PCDH9: variants seen among roughly 807,000 people sequenced by gnomAD.
PCDH9 encodes protocadherin 9.
In PCDH9, 24 loss-of-function variants were observed where a neutral mutation model predicts 70.6. The observed-to-expected ratio is 0.34, with a 90% CI of 0.25 to 0.48. The LOEUF is 0.48. PCDH9 is among the 20% of genes least tolerant of loss of function. The pLI is 0.99. For missense variants in PCDH9, 1,281 were observed against 1,503.6 expected (o/e 0.85, Z 2.45); for synonymous variants, 562 against 558.5 (o/e 1.01, Z -0.09).
intron 4 of PCDH9, among the ~76,000 whole-genome samples, chr13:66,464,724 A>C (rs904943672): frequency 1.3e-5 from 2 of 151,936 alleles, no homozygotes; most frequent in Non-Finnish European, 2.9e-5. Context: ...GACTATTTGC[A>C]GGAAAGTGCA....
chr13:67,214,502 T>C (rs191264242), intron 2 of PCDH9: 4 of 152,260 alleles, frequency 2.6e-5, no homozygotes, highest in Non-Finnish European at 5.9e-5. Flanking sequence ...GTGGAGCTTC[T>C]GGGTAATCTA....
chr13:67,050,447 C>T (rs1282875918), intron 2 of PCDH9, among the ~76,000 whole-genome samples: 1 of 152,138 alleles, frequency 6.6e-6, no homozygotes, highest in African/African-American at 2.4e-5. Flanking sequence ...GTGATCTCCA[C>T]CAGGTACTTA....
chr13:66,848,801 A>G (rs1397349120), intron 3 of PCDH9, among the ~76,000 whole-genome samples: 5 of 152,016 alleles, frequency 3.3e-5, no homozygotes, highest in Non-Finnish European at 5.9e-5. Context: ...GGTGGCGGGC[A>G]ACTGTAGTCC....
At chr13:66,641,391 G>A (rs1282509883) in intron 3 of PCDH9, among the ~76,000 whole-genome samples, 1 of 152,112 alleles carries the variant, frequency 6.6e-6, no homozygotes, top group Non-Finnish European at 1.5e-5. Context: ...GTTAATGGGA[G>A]GATTAATTTG....
At chr13:66,424,583 C>T (rs1167381192) in intron 4 of PCDH9, among the ~76,000 whole-genome samples, 1 of 151,944 alleles carries the variant, frequency 6.6e-6, no homozygotes, top group Admixed American at 6.6e-5. Flanking sequence ...GTCTGTATAG[C>T]TGATGACAAC....
chr13:67,053,255 T>C (rs1423684323), intron 2 of PCDH9, among the ~76,000 whole-genome samples: 2 of 152,152 alleles, frequency 1.3e-5, no homozygotes, highest in Non-Finnish European at 2.9e-5. Context: ...AAATGCCAAA[T>C]AAGTGCCACA....
chr13:66,661,795 G>A (rs757856452), intron 3 of PCDH9, among the ~76,000 whole-genome samples: 2 of 152,060 alleles, frequency 1.3e-5, no homozygotes, highest in Admixed American at 6.6e-5. Context: ...AAGGGGGAAG[G>A]GTGAACTTTA....
chr13:67,212,160 T>C (rs539020136), intron 2 of PCDH9: 56 of 152,214 alleles, frequency 3.7e-4, no homozygotes, highest in Middle Eastern at 6.8e-3. Flanking sequence ...AAAAAGTACA[T>C]TTCCCTCCAA....
chr13:67,157,830 G>A (rs1032165379), intron 2 of PCDH9, among the ~76,000 whole-genome samples: 3 of 152,196 alleles, frequency 2.0e-5, no homozygotes, highest in African/African-American at 7.2e-5. Context: ...AAGTTTGAAA[G>A]TTGAGTTTGA....
Position 67,131,051 on chromosome 13 carries a change from T to C in PCDH9, c.3036+94354A>G, listed in dbSNP as rs1378838134. On this transcript the variant is annotated intron_variant, in intron 2 of 4. Coordinates refer to ENST00000377865, the MANE Select transcript of PCDH9 (RefSeq NM_203487.3). The stretch of plus-strand genomic sequence containing the variant: ...ATTAATTAGAAGAGAAATGTGCTGG[T>C]AGATTAAAATACAGAAATGACAAAT... Among the ~76,000 whole-genome samples, 5 of 152,270 alleles carry C rather than the reference T, an allele frequency of 3.3e-5. No individual in the cohort carries two copies. The South Asian group carries it at 8.3e-4, about 25-fold the overall frequency.
chr13:66,395,179 G>A (rs1957081039), intron 4 of PCDH9, among the ~76,000 whole-genome samples: 1 of 152,002 alleles, frequency 6.6e-6, no homozygotes, highest in African/African-American at 2.4e-5. Context: ...CTTAAATGAT[G>A]GAAAAAAGTA....
chr13:66,915,963 G>C (rs2082550725), intron 2 of PCDH9, among the ~76,000 whole-genome samples: 1 of 151,444 alleles, frequency 6.6e-6, no homozygotes, highest in Non-Finnish European at 1.5e-5. Context: ...CTTTCCCTTT[G>C]GGTGACTTCA....
chr13:66,564,535 T>C (rs1283671240), intron 4 of PCDH9, among the ~76,000 whole-genome samples: 1 of 152,140 alleles, frequency 6.6e-6, no homozygotes, highest in Non-Finnish European at 1.5e-5. Context: ...GGACAGCTGA[T>C]AACAGAGAAA....
chr13:66,475,894 A>G lies in PCDH9; in HGVS notation c.3340+155316T>C, dbSNP rs1004696323. ...ACCTATCTTTAAATTCTGACTCCAG[A>G]ATTCACCTCTAAGTCTCTTCCCTAA... On this transcript the variant is annotated intron_variant, in intron 4 of 4. Transcript: ENST00000377865. Among the ~76,000 whole-genome samples, 8 of 152,088 alleles carry G rather than the reference A, an allele frequency of 5.3e-5. No individual in the cohort carries two copies. The East Asian group carries it at 1.5e-3, about 29-fold the overall frequency.
chr13:66,717,644 A>C (rs2078889128), intron 3 of PCDH9, among the ~76,000 whole-genome samples: 1 of 151,758 alleles, frequency 6.6e-6, no homozygotes, highest in South Asian at 2.1e-4. Flanking sequence ...GACCGCCTTT[A>C]ACATTGCCTT....
chr13:66,332,822 G>A (rs1441313327), intron 4 of PCDH9, among the ~76,000 whole-genome samples: 2 of 147,828 alleles, frequency 1.4e-5, no homozygotes, highest in African/African-American at 2.5e-5. Flanking sequence ...ATATATATAT[G>A]TATATATATA....
chr13:66,854,519 T>C lies in PCDH9; in HGVS notation c.3138+48985A>G, dbSNP rs117680668. Among the ~76,000 whole-genome samples, 275 of 152,274 alleles carry C rather than the reference T, an allele frequency of 1.8e-3. 4 individuals carry two copies. The East Asian group carries it at 0.029, about 16-fold the overall frequency. On this transcript the variant is annotated intron_variant, in intron 3 of 4. Coordinates refer to ENST00000377865, the MANE Select transcript of PCDH9 (RefSeq NM_203487.3). ...ACAGACATGTAGAGCTCTGAAAAAT[T>C]TGAGTCACGGATGCACATGTTCCCA...
intron 4 of PCDH9, among the ~76,000 whole-genome samples, chr13:66,483,635 C>G (rs550969126): frequency 1.3e-5 from 2 of 152,130 alleles, no homozygotes; most frequent in Non-Finnish European, 2.9e-5. Flanking sequence ...AATGGCAGCA[C>G]GGTGTTATTG....
At chr13:66,561,366 C>T (rs1962024267) in intron 4 of PCDH9, among the ~76,000 whole-genome samples, 1 of 152,212 alleles carries the variant, frequency 6.6e-6, no homozygotes, top group South Asian at 2.1e-4. Context: ...CCTTGCTCCA[C>T]TGCACCCAGT....
Sources: gnomAD v4.1 joint callset for allele counts (sites outside exome capture counted in the v4.1 genomes callset) on GRCh38, gnomAD v4.1.1 for gene constraint, MANE v1.5 for transcripts, NCBI Gene and HGNC (gene_info 2026-07-23, HGNC 2026-07-21) for gene names.